CRHR2: variants seen among roughly 807,000 people sequenced by gnomAD.
The protein encoded by CRHR2 is corticotropin-releasing hormone receptor 2.
A neutral mutation model predicts 57.9 loss-of-function variants in CRHR2; 53 were observed. That is an observed-to-expected ratio of 0.92 (90% confidence interval 0.73 to 1.15). The LOEUF (loss-of-function observed/expected upper bound fraction) is 1.15. Ranked by LOEUF, CRHR2 falls within the 50% of genes most tolerant of loss-of-function variation. The pLI, the probability that CRHR2 is intolerant of heterozygous loss-of-function variation, is 0.00. For missense variants in CRHR2, 532 were observed against 542.6 expected, an observed-to-expected ratio of 0.98 and a Z score of 0.19; for synonymous variants, 213 against 220.9, an observed-to-expected ratio of 0.96 and a Z score of 0.32.
At chr7:30,682,490 C>T (rs41387545), upstream of CRHR2, 1 of 1,306,366 alleles carries the variant, frequency 7.7e-7, no homozygotes, top group Non-Finnish European at 9.7e-7. Flanking sequence ...GCCGAGTGCA[C>T]GGAGCTGCGG....
In CRHR2 at chr7:30,651,957, TGCA is replaced by T. The variant is rs574927400; in HGVS notation, c.*1500_*1502del. On this transcript the variant is annotated 3_prime_UTR_variant, in exon 12 of 12. Coordinates refer to ENST00000471646, the MANE Select transcript of CRHR2 (RefSeq NM_001883.5). ...ATTCATTTGATGTATTTTAAATTGT[TGCA>T]GCAGTTTTATTTAAAAATGTAAATA... The T allele has an allele frequency of 1.4e-4, 21 of 152,348 alleles. No individual in the cohort carries two copies. In the South Asian group the frequency reaches 4.4e-3, roughly 32 times the overall value. 9.4% of individuals were successfully genotyped at this position (152,348 alleles called of 1,614,324 possible). A position where few individuals can be genotyped will look rare whatever the true frequency, so the allele number is the denominator to read the frequency against.
At chr7:30,688,895 G>T (rs527369937) in intron 2 of CRHR2, 13 of 537,114 alleles carry the variant, frequency 2.4e-5, no homozygotes, top group Non-Finnish European at 3.9e-5. Context: ...AAAGCTGAGG[G>T]GTCATCCCCT....
chr7:30,670,281 A>AC (rs1481875938), intron 2 of CRHR2, among the ~76,000 whole-genome samples: 1 of 152,238 alleles, frequency 6.6e-6, no homozygotes, highest in African/African-American at 2.4e-5. Context: ...TGAAAAATAC[A>AC]AATTCTGTTT....
intron 3 of CRHR2, among the ~76,000 whole-genome samples, chr7:30,666,372 G>A (rs145218605): frequency 1.9e-3 from 295 of 152,304 alleles, no homozygotes; most frequent in African/African-American, 6.8e-3. Context: ...TTATCACCAA[G>A]TGTTGGCAAT....
intron 1 of CRHR2, 42 bp downstream of exon 1, chr7:30,682,136 G>A (rs767854473): frequency 1.3e-6 from 2 of 1,535,612 alleles, no homozygotes; most frequent in Admixed American, 4.1e-5. Context: ...GCGCGCGAGA[G>A]AAGGAGCCCG....
At chr7:30,685,788 T>C (rs1188671426), upstream of CRHR2, among the ~76,000 whole-genome samples, 2 of 152,238 alleles carry the variant, frequency 1.3e-5, no homozygotes, top group Non-Finnish European at 2.9e-5. Context: ...TCCTCATCTC[T>C]GCAGCAGCCC....
chr7:30,662,602 C>T (rs1361315800), intron 6 of CRHR2, 92 bp downstream of exon 6: 2 of 1,507,148 alleles, frequency 1.3e-6, no homozygotes, highest in Non-Finnish European at 1.8e-6. Flanking sequence ...GAGGGCAGGG[C>T]CAGGCTCTGG....
In CRHR2 at chr7:30,654,593, C is replaced by T. The variant is rs538567240; in HGVS notation, c.1095+446G>A. 985 of 1,290,978 alleles carry T rather than the reference C, an allele frequency of 7.6e-4. 2 individuals are homozygous for T. Among genetic ancestry groups the T allele is most frequent in the Non-Finnish European group, 9.9e-4 (937 of 947,208 alleles). 80.0% of individuals were successfully genotyped at this position (1,290,978 alleles called of 1,614,324 possible). ...ATTGGCTTGCACATGCCAAGCTTCA[C>T]GGCCGCCTGACTCCCCAGAGCCTGC... On this transcript the variant is annotated intron_variant, in intron 11 of 11. Coordinates refer to ENST00000471646, the MANE Select transcript of CRHR2 (RefSeq NM_001883.5).
In CRHR2 at chr7:30,699,782, GACCCCCTCACCCA is replaced by G. The variant is rs1371528061; in HGVS notation, c.-261+149_-261+161del. 7.1e-6 allele frequency: 4 copies of G among 567,134 alleles called. No homozygotes were observed. In the African/African-American group the frequency reaches 8.9e-5, roughly 13 times the overall value. 35.1% of individuals were successfully genotyped at this position (567,134 alleles called of 1,614,324 possible). Reference sequence around the variant, plus strand: ...ATCCAGCCCAGCCACCAGGCCCTGAGACCCCCTCACCCAGGCACGGGATCTCCAATTCATCATC... The same window carrying G: ...ATCCAGCCCAGCCACCAGGCCCTGAGGGCACGGGATCTCCAATTCATCATC... On this transcript the variant is annotated intron_variant, in intron 1 of 13. Transcript: ENST00000341843.
At chr7:30,686,845 C>G (rs538637156), upstream of CRHR2, among the ~76,000 whole-genome samples, 1 of 152,300 alleles carries the variant, frequency 6.6e-6, no homozygotes, top group South Asian at 2.1e-4. Context: ...TTGAATTGAT[C>G]ATAGATTCGT....
chr7:30,672,898 A>G (rs576598517), intron 2 of CRHR2, among the ~76,000 whole-genome samples: 3 of 152,346 alleles, frequency 2.0e-5, no homozygotes, highest in African/African-American at 7.2e-5. Flanking sequence ...TCACTCAACC[A>G]TGAAGAGGCA....
At chr7:30,660,495 C>T in intron 8 of CRHR2, 78 bp downstream of exon 8, 2 of 1,440,864 alleles carry the variant, frequency 1.4e-6, no homozygotes, top group Middle Eastern at 1.9e-4. Context: ...CCACATCTTT[C>T]CCAGCGTCTC....
At chr7:30,655,774 TG>T in intron 9 of CRHR2, 59 bp from the exon 10 acceptor site, 1 of 1,591,824 alleles carries the variant, frequency 6.3e-7, no homozygotes, top group Non-Finnish European at 8.6e-7. Context: ...CCTCACCCAG[TG>T]GGCGGCGGGA....
intron 2 of CRHR2, among the ~76,000 whole-genome samples, chr7:30,677,798 A>G (rs1415213889): frequency 1.3e-5 from 2 of 152,218 alleles, no homozygotes; most frequent in Admixed American, 1.3e-4. Context: ...GGCCAGGTGC[A>G]GTGGCTCACG....
chr7:30,665,927 C>A lies in CRHR2; in HGVS notation c.316-288G>T, dbSNP rs1245675299. 6.6e-6 allele frequency among the ~76,000 whole-genome samples: 1 copy of A among 152,144 alleles called. No individual in the cohort carries two copies. Among genetic ancestry groups the A allele is most frequent in the Non-Finnish European group, 1.5e-5 (1 of 68,018 alleles). The stretch of plus-strand genomic sequence containing the variant: ...TCCAGTGGCTATTCACAGGTGTGAT[C>A]ACAGTGCACCGCAGCCTTGATCTGC... On this transcript the variant is annotated intron_variant, in intron 3 of 11. Coordinates refer to ENST00000471646, the MANE Select transcript of CRHR2 (RefSeq NM_001883.5). This position sits in a 1 kb window ranked among gnomAD's most constrained non-coding sequence, Gnocchi z 4.5.
intron 3 of CRHR2, among the ~76,000 whole-genome samples, chr7:30,666,751 C>G (rs1296919244): frequency 1.3e-5 from 2 of 152,252 alleles, no homozygotes; most frequent in Non-Finnish European, 2.9e-5. Flanking sequence ...CTCAGCAGCA[C>G]TGAATTGAAT....
intron 1 of CRHR2, among the ~76,000 whole-genome samples, chr7:30,689,585 T>A (rs535710068): frequency 2.2e-5 from 3 of 135,424 alleles, no homozygotes; most frequent in Non-Finnish European, 1.6e-5. Context: ...GTCATGGGGC[T>A]TGTGTCCTTC....
upstream of CRHR2, among the ~76,000 whole-genome samples, chr7:30,683,793 G>A (rs928950843): frequency 6.6e-6 from 1 of 152,212 alleles, no homozygotes; most frequent in Non-Finnish European, 1.5e-5. Context: ...AGGAGAGCTG[G>A]AACCTAGTCT....
At chr7:30,690,409 C>T (rs1478791233) in intron 1 of CRHR2, among the ~76,000 whole-genome samples, 1 of 103,502 alleles carries the variant, frequency 9.7e-6, no homozygotes, top group Non-Finnish European at 1.9e-5. Context: ...CCTTTTCTTG[C>T]TCTATGGTCA....
Sources: gnomAD v4.1 joint callset for allele counts (sites outside exome capture counted in the v4.1 genomes callset) on GRCh38, gnomAD v4.1.1 for gene constraint, Gnocchi (gnomAD v3.1) non-coding constraint, MANE v1.5 for transcripts, NCBI Gene and HGNC (gene_info 2026-07-23, HGNC 2026-07-21) for gene names.